Variants in EDC3 observed in about 807,000 individuals in gnomAD.
EDC3 encodes enhancer of mRNA decapping 3.
A neutral mutation model predicts 41.8 loss-of-function variants in EDC3; 20 were observed. The observed-to-expected ratio is 0.48, with a 90% CI of 0.34 to 0.70. EDC3 has a LOEUF of 0.70. Among genes scored for constraint, EDC3 ranks in the 30% least tolerant of loss-of-function variants. The pLI, the probability that EDC3 is intolerant of heterozygous loss-of-function variation, is 0.01. For missense variants in EDC3, 444 were observed against 636.8 expected (o/e 0.70, Z 3.26); for synonymous variants, 206 against 243.2 (o/e 0.85, Z 1.42).
intron 2 of EDC3, among the ~76,000 whole-genome samples, chr15:74,674,453 T>C (rs1017171286): frequency 6.6e-6 from 1 of 152,158 alleles, no homozygotes; most frequent in African/African-American, 2.4e-5. Context: ...GTCAGTGAAT[T>C]TGGCCATTAG....
chr15:74,647,931 C>T (rs1434611589), intron 4 of EDC3, among the ~76,000 whole-genome samples: 1 of 152,200 alleles, frequency 6.6e-6, no homozygotes, highest in Non-Finnish European at 1.5e-5. Context: ...CCCAGAATAA[C>T]ATCCTTGTGG....
At position 74,671,880 on chromosome 15, in the gene EDC3, G is replaced by A. The variant is rs1042578676; in HGVS notation, c.165-106C>T. On this transcript the variant is annotated intron_variant, in intron 2 of 6. Transcript: ENST00000315127. The surrounding 1 kb of genome is among the most constrained non-coding windows in gnomAD (Gnocchi z 4.6). ...CCCCTTTGCAGGACTGCATTTTATT[G>A]AGTTATCAGAGGCTAGGAAAGGGGG... 12 of 1,114,518 alleles carry A rather than the reference G, an allele frequency of 1.1e-5. No individual in the cohort carries two copies. In the African/African-American group the frequency reaches 1.6e-4, roughly 14 times the overall value. The allele number at this position is 1,114,518 out of a possible 1,614,324, so 69.0% of individuals were successfully genotyped here.
chr15:74,634,269 C>T (rs957258292), intron 6 of EDC3, among the ~76,000 whole-genome samples: 1 of 152,178 alleles, frequency 6.6e-6, no homozygotes, highest in African/African-American at 2.4e-5. Context: ...ACTTGGCTTT[C>T]AGCTACCATA....
chr15:74,694,109 G>A (rs1319330874), intron 1 of EDC3, among the ~76,000 whole-genome samples: 4 of 152,162 alleles, frequency 2.6e-5, no homozygotes, highest in Admixed American at 6.5e-5. Flanking sequence ...CTGAATTTAG[G>A]AGAACTCTAG....
chr15:74,632,531 G>A lies in EDC3; in HGVS notation c.*81C>T. The stretch of plus-strand genomic sequence containing the variant: ...CCAAAAGAGAAAAAACTTTAACAAG[G>A]TCCATGAAGCTTCATATCCTTAAGG... On this transcript the variant is annotated 3_prime_UTR_variant, in exon 7 of 7. Transcript: ENST00000315127. The surrounding 1 kb of genome is among the most constrained non-coding windows in gnomAD (Gnocchi z 4.0). 2 of 1,484,798 alleles carry A rather than the reference G, an allele frequency of 1.3e-6. No homozygotes were observed. The highest frequency in any genetic ancestry group is 1.2e-5 in the South Asian group (1 of 80,648). 92.0% of individuals were successfully genotyped at this position (1,484,798 alleles called of 1,614,324 possible).
intron 3 of EDC3, among the ~76,000 whole-genome samples, chr15:74,656,406 AACACACACAC>A (rs143925363): frequency 1.5e-4 from 22 of 145,946 alleles, no homozygotes; most frequent in African/African-American, 2.3e-4. Flanking sequence ...TCTGTCTCAA[AACACACACAC>A]ACACACACAC....
chr15:74,636,616 C>T (rs1596299887), intron 5 of EDC3: 1 of 152,392 alleles, frequency 6.6e-6, no homozygotes, highest in African/African-American at 2.4e-5. Flanking sequence ...AGGTCCCTGC[C>T]TAGTGGCAGA....
rs1172327609 is a variant in EDC3, at chr15:74,630,815, C to G, written c.*1797G>C. 6.6e-6 allele frequency: 1 copy of G among 152,300 alleles called. No individual in the cohort carries two copies. The highest frequency in any genetic ancestry group is 1.5e-5 in the Non-Finnish European group (1 of 68,112). 9.4% of individuals were successfully genotyped at this position (152,300 alleles called of 1,614,324 possible). A position where few individuals can be genotyped will look rare whatever the true frequency, so the allele number is the denominator to read the frequency against. The stretch of plus-strand genomic sequence containing the variant: ...AGGGAGAAGCTTGGGCACAAACTCC[C>G]AGTGGCCCTGCAAGGCTATCATCCC... On this transcript the variant is annotated 3_prime_UTR_variant, in exon 7 of 7. Transcript: ENST00000315127.
intron 4 of EDC3, chr15:74,644,295 TG>T (rs1342656948): frequency 1.3e-5 from 2 of 152,246 alleles, no homozygotes; most frequent in East Asian, 3.8e-4. Context: ...TCGCTTCACA[TG>T]CTTTCTCCAT....
intron 4 of EDC3, among the ~76,000 whole-genome samples, chr15:74,651,221 G>A (rs1275434002): frequency 6.6e-6 from 1 of 152,160 alleles, no homozygotes; most frequent in African/African-American, 2.4e-5. Flanking sequence ...TCTGGATCCA[G>A]AAAGACCCTG....
chr15:74,638,704 A>G (rs796682630), intron 5 of EDC3: 12 of 151,998 alleles, frequency 7.9e-5, no homozygotes, highest in African/African-American at 2.9e-4. Context: ...AACACATCCA[A>G]AACAAAACCC....
chr15:74,657,224 C>A (rs1261435379), intron 3 of EDC3, among the ~76,000 whole-genome samples: 1 of 152,234 alleles, frequency 6.6e-6, no homozygotes, highest in African/African-American at 2.4e-5. Context: ...CATAACACAT[C>A]CTCTGGGGCT....
Position 74,635,423 on chromosome 15 carries a change from A to G in EDC3, c.1178T>C (p.Val393Ala). The change falls in exon 6 of 7, where the codon GTG (valine) becomes GCG (alanine). Residue 393 changes from valine (V) to alanine (A), a missense_variant. Coordinates refer to ENST00000315127, the MANE Select transcript of EDC3 (RefSeq NM_025083.5). ...TAAGTGCTCACCTTTGAGGCTAGAC[A>G]CTTGTTGGCCTTGGGTCTTGCTGAA... is the stretch of plus-strand genomic sequence containing the variant. ...SLFSKTQGQQ[V>A]SSLKDLPTSP... The G allele has an allele frequency of 6.2e-7, 1 of 1,614,218 alleles. No individual in the cohort carries two copies. The highest frequency in any genetic ancestry group is 8.5e-7 in the Non-Finnish European group (1 of 1,180,024).
At chr15:74,694,627 G>A (rs563362102) in intron 1 of EDC3, among the ~76,000 whole-genome samples, 1 of 152,282 alleles carries the variant, frequency 6.6e-6, no homozygotes, top group East Asian at 1.9e-4. Context: ...CAAACTATAC[G>A]TCATGACCTA....
rs1480814705 is a variant in EDC3 at position 74,675,006 on chromosome 15, G to A, written c.119C>T (p.Pro40Leu). Residue 40 changes from proline (P) to leucine (L), a missense_variant, in exon 2 of 7, where the codon CCT becomes CTT. By Grantham distance (98) the Pro-to-Leu change is moderately conservative. This residue lies in a region of EDC3 where 200 missense variants were observed against 244.0 expected (regional missense o/e 0.82). Coordinates refer to ENST00000315127, the MANE Select transcript of EDC3 (RefSeq NM_025083.5). ...AAGACACTTCACTCCATTATGGAAAGGCCGGGTGAGAGAAATGGTCTGGCT... is the reference window on the plus strand; with the variant it reads ...AAGACACTTCACTCCATTATGGAAAAGCCGGGTGAGAGAAATGGTCTGGCT... ...QVSQTISLTRPFHNGVKCLVP... is the reference protein window; with the variant it reads ...QVSQTISLTRLFHNGVKCLVP... 1 of 1,614,150 alleles carries A rather than the reference G, an allele frequency of 6.2e-7. No homozygotes were observed. The highest frequency in any genetic ancestry group is 1.3e-5 in the African/African-American group (1 of 75,042).
At chr15:74,666,310 A>C (rs2062676561) in intron 3 of EDC3, among the ~76,000 whole-genome samples, 2 of 152,206 alleles carry the variant, frequency 1.3e-5, no homozygotes, top group Admixed American at 1.3e-4. Flanking sequence ...TGGATTCTAC[A>C]TAAGTTTCTT....
chr15:74,640,935 C>G (rs1200590954), intron 4 of EDC3: 5 of 316,256 alleles, frequency 1.6e-5, no homozygotes, highest in Non-Finnish European at 3.0e-5. Context: ...AGCACACAGC[C>G]TGTAACAGCA....
At chr15:74,635,357 A>C (rs751665441) in intron 6 of EDC3, 52 bp downstream of exon 6, 5 of 1,567,508 alleles carry the variant, frequency 3.2e-6, no homozygotes, top group Non-Finnish European at 4.4e-6. Flanking sequence ...CGAGACCATC[A>C]AACTGCTAAG....
At position 74,673,760 on chromosome 15, in the gene EDC3, A is replaced by C. The variant is rs138274279; in HGVS notation, c.164+1201T>G. ...GAGGCTGAGGCAGGAGAATGGCATGAACCCGGGAGATGGAGTTTGCAGTGA... is the reference window on the plus strand; with the variant it reads ...GAGGCTGAGGCAGGAGAATGGCATGCACCCGGGAGATGGAGTTTGCAGTGA... On this transcript the variant is annotated intron_variant, in intron 2 of 6. Coordinates refer to ENST00000315127, the MANE Select transcript of EDC3 (RefSeq NM_025083.5). 1.2e-3 allele frequency among the ~76,000 whole-genome samples: 177 copies of C among 152,058 alleles called. 1 individual carries two copies. Among genetic ancestry groups the C allele is most frequent in the African/African-American group, 4.2e-3 (174 of 41,470 alleles).
Sources: allele counts gnomAD v4.1 joint callset (sites outside exome capture counted in the v4.1 genomes callset), GRCh38; gene constraint gnomAD v4.1.1; regional missense constraint gnomAD v4.1.1; non-coding constraint Gnocchi (gnomAD v3.1); transcripts MANE v1.5; gene names NCBI Gene and HGNC (gene_info 2026-07-23, HGNC 2026-07-21).